FGL2: variants seen among roughly 807,000 people sequenced by gnomAD.
FGL2 encodes the protein fibrinogen like 2.
FGL2 carries 21 observed loss-of-function variants against 36.0 expected under a neutral mutation model. That is an observed-to-expected ratio of 0.58 (90% CI 0.41 to 0.84). The LOEUF is 0.84. FGL2 is among the 40% of genes least tolerant of loss of function. The probability of loss-of-function intolerance (pLI) is 0.00; values close to 1 mark genes in which losing one functional copy is unlikely to be tolerated. For synonymous variants in FGL2, 183 were observed against 190.7 expected (o/e 0.96, Z 0.33); for missense variants, 444 against 526.3 (o/e 0.84, Z 1.53).
Position 77,196,839 on chromosome 7 carries a change from G to C in FGL2, c.760C>G (p.Leu254Val), listed in dbSNP as rs781470633. 1.9e-6 allele frequency: 3 copies of C among 1,613,888 alleles called. No individual in the cohort carries two copies. In the African/African-American group the frequency reaches 4.0e-5, roughly 22 times the overall value. The change falls in exon 2 of 2, where the codon CTG (leucine) becomes GTG (valine). Residue 254 changes from leucine (L) to valine (V), a missense_variant. Transcript: ENST00000248598. This position sits in a 1 kb window ranked among gnomAD's most constrained non-coding sequence, Gnocchi z 4.2. ...METMGGGWTVLQARLDGSTNF... is the reference protein window; with the variant it reads ...METMGGGWTVVQARLDGSTNF... ...GTGCTCCCATCGAGACGTGCCTGCAGCACTGTCCAGCCTCCCCCCATGGTC... is the reference window on the plus strand; with the variant it reads ...GTGCTCCCATCGAGACGTGCCTGCACCACTGTCCAGCCTCCCCCCATGGTC...
In FGL2 at chr7:77,196,739, T is replaced by C; in HGVS notation, c.860A>G (p.Asp287Gly). 1 of 1,614,218 alleles carries C rather than the reference T, an allele frequency of 6.2e-7. No homozygotes were observed. The highest frequency in any genetic ancestry group is 8.5e-7 in the Non-Finnish European group (1 of 1,180,026). Reference protein sequence around the residue: ...NLRREFWLGNDKIHLLTKSKE... With the variant: ...NLRREFWLGNGKIHLLTKSKE... ...ACTCTTGGTCAGAAGATGAATTTTA[T>C]CGTTCCCCAGCCAAAATTCCCTTCT... The change falls in exon 2 of 2, where the codon GAT (aspartate) becomes GGT (glycine). Residue 287 changes from aspartate (D) to glycine (G), a missense_variant. Asp to Gly is a moderately conservative substitution (Grantham distance 94). Coordinates refer to ENST00000248598, the MANE Select transcript of FGL2 (RefSeq NM_006682.3). The surrounding 1 kb of genome is among the most constrained non-coding windows in gnomAD (Gnocchi z 4.2).
Position 77,194,915 on chromosome 7 carries a change from C to G in FGL2, c.*1364G>C, listed in dbSNP as rs901759177. 2 of 152,026 alleles carry G rather than the reference C, an allele frequency of 1.3e-5. No homozygotes were observed. The highest frequency in any genetic ancestry group is 4.8e-5 in the African/African-American group (2 of 41,400). 9.4% of individuals were successfully genotyped at this position (152,026 alleles called of 1,614,324 possible). On this transcript the variant is annotated 3_prime_UTR_variant, in exon 2 of 2. Transcript: ENST00000248598. ...TGATGAATTATAAAAATTACAGATACTTCTGTTTGGGTAAAAATCTATCTT... is the reference window on the plus strand; with the variant it reads ...TGATGAATTATAAAAATTACAGATAGTTCTGTTTGGGTAAAAATCTATCTT...
Position 77,193,473 on chromosome 7 carries a change from T to A in FGL2, c.*2806A>T, listed in dbSNP as rs942084888. 2 of 152,176 alleles carry A rather than the reference T, an allele frequency of 1.3e-5. No homozygotes were observed. The highest frequency in any genetic ancestry group is 4.8e-5 in the African/African-American group (2 of 41,440). 9.4% of individuals were successfully genotyped at this position (152,176 alleles called of 1,614,324 possible). On this transcript the variant is annotated 3_prime_UTR_variant, in exon 2 of 2. Coordinates refer to ENST00000248598, the MANE Select transcript of FGL2 (RefSeq NM_006682.3). ...AAAAGACATGAAACATAAACCTAAT[T>A]ATACATAAAAGAAAAGAATTTTAAA... is the stretch of plus-strand genomic sequence containing the variant.
Position 77,193,714 on chromosome 7 carries a change from A to G in FGL2, c.*2565T>C, listed in dbSNP as rs1001578494. 4 of 152,302 alleles carry G rather than the reference A, an allele frequency of 2.6e-5. No individual in the cohort carries two copies. The highest frequency in any genetic ancestry group is 6.5e-5 in the Admixed American group (1 of 15,280). The allele number at this position is 152,302 out of a possible 1,614,324, so 9.4% of individuals were successfully genotyped here. ...TTTTTTTTTCCCCTCAGTCATAGGTAAATCAGCTCCACCTGGAATTTCTAA... is the reference window on the plus strand; with the variant it reads ...TTTTTTTTTCCCCTCAGTCATAGGTGAATCAGCTCCACCTGGAATTTCTAA... On this transcript the variant is annotated 3_prime_UTR_variant, in exon 2 of 2. Transcript: ENST00000248598.
intron 1 of FGL2, among the ~76,000 whole-genome samples, chr7:77,197,383 C>T (rs1562830037): frequency 1.3e-5 from 2 of 152,228 alleles, no homozygotes; most frequent in Non-Finnish European, 2.9e-5. Flanking sequence ...TGCCAGTCTG[C>T]ATGTGAGGAT....
In FGL2 at chr7:77,199,569, G is replaced by C. The variant is rs757330890; in HGVS notation, c.225C>G (p.Ile75Met). Residue 75 changes from isoleucine (I) to methionine (M), a missense_variant, in exon 1 of 2, where the codon ATC becomes ATG. Transcript: ENST00000248598. ...TTTGGACTTCTTTGAACACCTCCTC[G>C]ATCCTGCTGAATTGCTTCGGGAGCT... Reference protein sequence around the residue: ...TIQLPKQFSRIEEVFKEVQNL... With the variant: ...TIQLPKQFSRMEEVFKEVQNL... 4.3e-6 allele frequency: 7 copies of C among 1,613,978 alleles called. No homozygotes were observed. Among genetic ancestry groups the C allele is most frequent in the Non-Finnish European group, 5.9e-6 (7 of 1,180,020 alleles).
At position 77,194,835 on chromosome 7, in the gene FGL2, T is replaced by C. The variant is rs1395588274; in HGVS notation, c.*1444A>G. The C allele has an allele frequency of 1.3e-5, 2 of 152,132 alleles. No individual in the cohort carries two copies. Among genetic ancestry groups the C allele is most frequent in the Admixed American group, 6.5e-5 (1 of 15,274 alleles). 9.4% of individuals were successfully genotyped at this position (152,132 alleles called of 1,614,324 possible). A position where few individuals can be genotyped will look rare whatever the true frequency, so the allele number is the denominator to read the frequency against. ...CTGAGATGATCCCTTTTTACGATGA[T>C]GAAATTAAACACATTTAAAAAGTCT... On this transcript the variant is annotated 3_prime_UTR_variant, in exon 2 of 2. Transcript: ENST00000248598.
Position 77,196,903 on chromosome 7 carries a change from A to T in FGL2, c.696T>A (p.Asp232Glu), listed in dbSNP as rs760659595. 6.2e-7 allele frequency: 1 copy of T among 1,613,782 alleles called. No homozygotes were observed. Among genetic ancestry groups the T allele is most frequent in the Non-Finnish European group, 8.5e-7 (1 of 1,179,952 alleles). ...AAACTTCAAAGCTACTATTTTTGGG[A>T]TCAGGTGTAACTCTGTAGGTCTCAC... ...RSSETYRVTP[D>E]PKNSSFEVYC... The change falls in exon 2 of 2, where the codon GAT becomes GAA. Residue 232 changes from aspartate to glutamate, a missense_variant. Coordinates refer to ENST00000248598, the MANE Select transcript of FGL2 (RefSeq NM_006682.3). This position sits in a 1 kb window ranked among gnomAD's most constrained non-coding sequence, Gnocchi z 4.2.
In FGL2 at chr7:77,199,551, T is replaced by G; in HGVS notation, c.243A>C (p.Glu81Asp). The G allele has an allele frequency of 6.2e-7, 1 of 1,614,162 alleles. No homozygotes were observed. The highest frequency in any genetic ancestry group is 1.1e-5 in the South Asian group (1 of 91,086). Residue 81 changes from glutamate (E) to aspartate (D), a missense_variant, in exon 1 of 2, where the codon GAA becomes GAC. By Grantham distance (45) the Glu-to-Asp change is conservative. Transcript: ENST00000248598. The stretch of plus-strand genomic sequence containing the variant: ...TTACGATTTCCTTGAGGTTTTGGAC[T>G]TCTTTGAACACCTCCTCGATCCTGC... ...QFSRIEEVFKEVQNLKEIVNS... is the reference protein window; with the variant it reads ...QFSRIEEVFKDVQNLKEIVNS...
At position 77,196,357 on chromosome 7, in the gene FGL2, A is replaced by G. The variant is rs1791869792; in HGVS notation, c.1242T>C (p.Ser414=). ...ACTTGTAGCCACCAGGGTGTGCCTC[A>G]CTTACACCAGGCCAGGTACCCCAGA... The part of the protein sequence containing the change: ...GIFWGTWPGV[S]EAHPGGYKSS... The change falls in exon 2 of 2, where the codon AGT becomes AGC. Residue 414 remains serine, a synonymous_variant. Transcript: ENST00000248598. The surrounding 1 kb of genome is among the most constrained non-coding windows in gnomAD (Gnocchi z 4.2). 6.2e-7 allele frequency: 1 copy of G among 1,614,002 alleles called. No individual in the cohort carries two copies. The highest frequency in any genetic ancestry group is 1.3e-5 in the African/African-American group (1 of 74,916).
Position 77,195,980 on chromosome 7 carries a change from A to T in FGL2, c.*299T>A, listed in dbSNP as rs907572163. Reference sequence around the variant, plus strand: ...CCAACAATTATTTTTTAAATACAGCAAGTAATACAAGCAATAGAAAAAGTT... The same window carrying T: ...CCAACAATTATTTTTTAAATACAGCTAGTAATACAAGCAATAGAAAAAGTT... On this transcript the variant is annotated 3_prime_UTR_variant, in exon 2 of 2. Transcript: ENST00000248598. 4 of 295,936 alleles carry T rather than the reference A, an allele frequency of 1.4e-5. No individual in the cohort carries two copies. Among genetic ancestry groups the T allele is most frequent in the African/African-American group, 8.7e-5 (4 of 45,868 alleles). The allele number at this position is 295,936 out of a possible 1,614,324, so 18.3% of individuals were successfully genotyped here.
At position 77,194,517 on chromosome 7, in the gene FGL2, G is replaced by T. The variant is rs1051947690; in HGVS notation, c.*1762C>A. 5 of 151,902 alleles carry T rather than the reference G, an allele frequency of 3.3e-5. No homozygotes were observed. Among genetic ancestry groups the T allele is most frequent in the Non-Finnish European group, 7.4e-5 (5 of 67,880 alleles). 9.4% of individuals were successfully genotyped at this position (151,902 alleles called of 1,614,324 possible). On this transcript the variant is annotated 3_prime_UTR_variant, in exon 2 of 2. Transcript: ENST00000248598. ...TGTGATATATCATGTTTAACTGAAA[G>T]CTTTGGGTTATATATTTTAAAGGAA...
In FGL2 at chr7:77,199,631, A is replaced by G. The variant is rs1791946825; in HGVS notation, c.163T>C (p.Cys55Arg). Residue 55 changes from cysteine to arginine, a missense_variant, in exon 1 of 2, where the codon TGC (cysteine) becomes CGC (arginine). Coordinates refer to ENST00000248598, the MANE Select transcript of FGL2 (RefSeq NM_006682.3). ...GGGGGCAGGCTTACCTGGTAGGGGC[A>G]CTCCCCTGCCTCTTCGCATTTCCCT... ...SRGKCEEAGE[C>R]PYQVSLPPLT... The G allele has an allele frequency of 6.2e-7, 1 of 1,613,682 alleles. No individual in the cohort carries two copies. Among genetic ancestry groups the G allele is most frequent in the East Asian group, 2.2e-5 (1 of 44,876 alleles).
At chr7:77,199,151 CATATG>C in intron 1 of FGL2, 25 bp downstream of exon 1, 1 of 1,576,526 alleles carries the variant, frequency 6.3e-7, no homozygotes, top group Non-Finnish European at 8.6e-7. Flanking sequence ...CATTTATGAA[CATATG>C]ATAAGAAAAC....
chr7:77,199,526 T>G lies in FGL2; in HGVS notation c.268A>C (p.Asn90His). 6.2e-7 allele frequency: 1 copy of G among 1,614,156 alleles called. No homozygotes were observed. The highest frequency in any genetic ancestry group is 8.5e-7 in the Non-Finnish European group (1 of 1,180,012). Residue 90 changes from asparagine (N) to histidine (H), a missense_variant, in exon 1 of 2, where the codon AAT (asparagine) becomes CAT (histidine). Physicochemically the swap from Asn to His is moderately conservative, Grantham distance 68. Transcript: ENST00000248598. ...TCTTGGCAAGATTTCTTTAGACTAT[T>G]TACGATTTCCTTGAGGTTTTGGACT... ...KEVQNLKEIV[N>H]SLKKSCQDCK...
chr7:77,194,307 C>G lies in FGL2; in HGVS notation c.*1972G>C, dbSNP rs965838504. The G allele has an allele frequency of 1.3e-5, 2 of 151,930 alleles. No individual in the cohort carries two copies. Among genetic ancestry groups the G allele is most frequent in the Non-Finnish European group, 2.9e-5 (2 of 67,894 alleles). The allele number at this position is 151,930 out of a possible 1,614,324, so 9.4% of individuals were successfully genotyped here. A position where few individuals can be genotyped will look rare whatever the true frequency, so the allele number is the denominator to read the frequency against. ...ACAATGACCTTATCTGAAACAAATA[C>G]ATTGTATAATATCAAAACGTTTTTA... On this transcript the variant is annotated 3_prime_UTR_variant, in exon 2 of 2. Transcript: ENST00000248598.
rs1791862219 is a variant in FGL2, at chr7:77,196,022, G to T, written c.*257C>A. 2.5e-6 allele frequency: 1 copy of T among 394,800 alleles called. No homozygotes were observed. Among genetic ancestry groups the T allele is most frequent in the Non-Finnish European group, 4.5e-6 (1 of 222,474 alleles). 24.5% of individuals were successfully genotyped at this position (394,800 alleles called of 1,614,324 possible). A position where few individuals can be genotyped will look rare whatever the true frequency, so the allele number is the denominator to read the frequency against. On this transcript the variant is annotated 3_prime_UTR_variant, in exon 2 of 2. Transcript: ENST00000248598. This position sits in a 1 kb window ranked among gnomAD's most constrained non-coding sequence, Gnocchi z 4.2. ...GAAAAAGTTTCAATAGAAATTAAAA[G>T]AATTGTAAATCTAATGTATAATTCT...
In FGL2 at chr7:77,196,885, A is replaced by C. The variant is rs1388394678; in HGVS notation, c.714T>G (p.Phe238Leu). The part of the protein sequence containing the change: ...RVTPDPKNSS[F>L]EVYCDMETMG... ...TGGTCTCCATGTCACAGTAAACTTC[A>C]AAGCTACTATTTTTGGGATCAGGTG... The change falls in exon 2 of 2, where the codon TTT becomes TTG. Residue 238 changes from phenylalanine (F) to leucine (L), a missense_variant. Transcript: ENST00000248598. The surrounding 1 kb of genome is among the most constrained non-coding windows in gnomAD (Gnocchi z 4.2). 7 of 1,613,810 alleles carry C rather than the reference A, an allele frequency of 4.3e-6. No homozygotes were observed. Among genetic ancestry groups the C allele is most frequent in the Non-Finnish European group, 5.1e-6 (6 of 1,179,968 alleles).
Position 77,196,472 on chromosome 7 carries a change from C to A in FGL2, c.1127G>T (p.Ser376Ile). 6.2e-7 allele frequency: 1 copy of A among 1,614,190 alleles called. No homozygotes were observed. The highest frequency in any genetic ancestry group is 8.5e-7 in the Non-Finnish European group (1 of 1,180,024). ...YPSGNCGLYY[S>I]SGWWFDACLS... Reference sequence around the variant, plus strand: ...ACATGCATCAAACCACCAGCCTGAACTGTAGTACAGCCCACAGTTCCCAGA... The same window carrying A: ...ACATGCATCAAACCACCAGCCTGAAATGTAGTACAGCCCACAGTTCCCAGA... Residue 376 changes from serine to isoleucine, a missense_variant, in exon 2 of 2, where the codon AGT becomes ATT. Coordinates refer to ENST00000248598, the MANE Select transcript of FGL2 (RefSeq NM_006682.3). The surrounding 1 kb of genome is among the most constrained non-coding windows in gnomAD (Gnocchi z 4.2).
Sources: gnomAD v4.1 joint callset for allele counts (sites outside exome capture counted in the v4.1 genomes callset) on GRCh38, gnomAD v4.1.1 for gene constraint, Gnocchi (gnomAD v3.1) non-coding constraint, MANE v1.5 for transcripts, NCBI Gene and HGNC (gene_info 2026-07-23, HGNC 2026-07-21) for gene names.